Variants in FGF1 observed in about 807,000 individuals in gnomAD.
FGF1 encodes fibroblast growth factor 1, also known as beta-endothelial cell growth factor.
Under a neutral mutation model 13.4 loss-of-function variants are expected in FGF1, and 9 were observed. The ratio of observed to expected loss-of-function variants is 0.67; its 90% CI spans 0.40 to 1.17. FGF1 has a LOEUF of 1.17. Ranked by LOEUF, FGF1 falls within the 50% of genes most tolerant of loss-of-function variation. The pLI is 0.01. For missense variants in FGF1, 156 were observed against 192.7 expected, an observed-to-expected ratio of 0.81 and a Z score of 1.13; for synonymous variants, 93 against 79.0, an observed-to-expected ratio of 1.18 and a Z score of -0.94.
intron 1 of FGF1, among the ~76,000 whole-genome samples, chr5:142,661,989 G>A (rs1769333012): frequency 6.6e-6 from 1 of 151,830 alleles, no homozygotes; most frequent in African/African-American, 2.4e-5. Context: ...GACAGAGCAA[G>A]ACTGCGTCTC....
chr5:142,606,214 C>CTGTGTGTGTGTGTGTG (rs1283591761), intron 2 of FGF1, among the ~76,000 whole-genome samples: 42 of 71,086 alleles, frequency 5.9e-4, no homozygotes, highest in African/African-American at 2.2e-3. Context: ...CATTCTTTCT[C>CTGTGTGTGTGTGTGTG]TCTCTGTGTG....
chr5:142,660,017 C>T (rs745416508), intron 1 of FGF1, among the ~76,000 whole-genome samples: 1 of 152,198 alleles, frequency 6.6e-6, no homozygotes, highest in African/African-American at 2.4e-5. Flanking sequence ...CTGCGTCAGG[C>T]GATTTCACTG....
chr5:142,687,543 T>C (rs533392458), upstream of FGF1, among the ~76,000 whole-genome samples: 35 of 152,334 alleles, frequency 2.3e-4, no homozygotes, highest in Admixed American at 3.9e-4. Context: ...ATACTGATAA[T>C]TTGCTTTAAA....
rs17216860 is a variant in FGF1, at chr5:142,670,654, A to G, written c.-35+15303T>C. Among the ~76,000 whole-genome samples, 580 of 152,356 alleles carry G rather than the reference A, an allele frequency of 3.8e-3. 6 individuals carry two copies. Among genetic ancestry groups the G allele is most frequent in the African/African-American group, 0.012 (514 of 41,580 alleles). ...CAACCAACGCCAGCAAAGCATATGA[A>G]GAAATTAGGAAAAAAACCCCACAAA... On this transcript the variant is annotated intron_variant, in intron 1 of 3. Transcript: ENST00000337706.
intron 1 of FGF1, among the ~76,000 whole-genome samples, chr5:142,681,965 A>G (rs1773792772): frequency 6.6e-6 from 1 of 152,246 alleles, no homozygotes; most frequent in South Asian, 2.1e-4. Flanking sequence ...CATGTGAACA[A>G]AGCTCCATGC....
intron 1 of FGF1, among the ~76,000 whole-genome samples, chr5:142,683,217 G>A (rs1284325347): frequency 6.6e-6 from 1 of 152,168 alleles, no homozygotes; most frequent in Non-Finnish European, 1.5e-5. Flanking sequence ...TTAATGAGGT[G>A]GAAATGGGTG....
chr5:142,619,857 A>G (rs1365919135), intron 1 of FGF1, among the ~76,000 whole-genome samples: 1 of 152,012 alleles, frequency 6.6e-6, no homozygotes, highest in Admixed American at 6.6e-5. Flanking sequence ...AAACGAAAAA[A>G]AAACAAAACC....
chr5:142,680,626 T>C lies in FGF1; in HGVS notation c.-35+5331A>G, dbSNP rs1217876278. 3 of 152,180 alleles carry C rather than the reference T, an allele frequency of 2.0e-5. No homozygotes were observed. The East Asian group carries it at 5.8e-4, about 29-fold the overall frequency. 9.4% of individuals were successfully genotyped at this position (152,180 alleles called of 1,614,324 possible). A position where few individuals can be genotyped will look rare whatever the true frequency, so the allele number is the denominator to read the frequency against. ...ATTAAATGAGAGACTAGCCCAAGCA[T>C]AGGGCTTCACAGTGTACCCAGCACA... is the stretch of plus-strand genomic sequence containing the variant. On this transcript the variant is annotated intron_variant, in intron 1 of 3. Transcript: ENST00000337706.
chr5:142,600,625 G>T, intron 3 of FGF1, 77 bp downstream of exon 3: 1 of 919,542 alleles, frequency 1.1e-6, no homozygotes, highest in East Asian at 2.4e-5. Context: ...TTTATAGTTT[G>T]CCTCACTCCA....
intron 1 of FGF1, among the ~76,000 whole-genome samples, chr5:142,618,130 T>C (rs1760638648): frequency 6.6e-6 from 1 of 152,192 alleles, no homozygotes; most frequent in South Asian, 2.1e-4. Flanking sequence ...CGTGTCACCA[T>C]TGTGCACGAA....
upstream of FGF1, among the ~76,000 whole-genome samples, chr5:142,687,179 T>A (rs1419435915): frequency 6.6e-6 from 1 of 152,094 alleles, no homozygotes; most frequent in African/African-American, 2.4e-5. Context: ...GCTCACCTGA[T>A]GATTCAGGTA....
rs1244139413 is a variant in FGF1 at position 142,595,414 on chromosome 5, T to G, written c.344A>C (p.Lys115Thr). 1.5e-5 allele frequency: 24 copies of G among 1,613,938 alleles called. No individual in the cohort carries two copies. Among genetic ancestry groups the G allele is most frequent in the Non-Finnish European group, 1.9e-5 (23 of 1,179,942 alleles). Residue 115 changes from lysine to threonine, a missense_variant, in exon 4 of 4, where the codon AAG becomes ACG. Physicochemically the swap from Lys to Thr is moderately conservative, Grantham distance 78. Coordinates refer to ENST00000337706, the MANE Select transcript of FGF1 (RefSeq NM_000800.5). ...AAACCAATTCTTCTCTGCATGCTTCTTGGATATATAGGTGTTGTAATGGTT... is the reference window on the plus strand; with the variant it reads ...AAACCAATTCTTCTCTGCATGCTTCGTGGATATATAGGTGTTGTAATGGTT... Reference protein sequence around the residue: ...EENHYNTYISKKHAEKNWFVG... With the variant: ...EENHYNTYISTKHAEKNWFVG...
At chr5:142,621,820 T>C (rs1761684940) in intron 1 of FGF1, among the ~76,000 whole-genome samples, 1 of 152,198 alleles carries the variant, frequency 6.6e-6, no homozygotes, top group Non-Finnish European at 1.5e-5. Context: ...CTAGGACCTT[T>C]GCCCATGCTG....
chr5:142,596,101 A>G (rs1755184374), intron 3 of FGF1, among the ~76,000 whole-genome samples: 3 of 152,246 alleles, frequency 2.0e-5, no homozygotes, highest in South Asian at 2.1e-4. Flanking sequence ...AGCATGAAAC[A>G]TATCCTAGAA....
rs17217149 is a variant in FGF1, at chr5:142,620,350, G to A, written c.-34-6189C>T. 7.1e-3 allele frequency among the ~76,000 whole-genome samples: 1,084 copies of A among 152,146 alleles called. 11 individuals carry two copies. Among genetic ancestry groups the A allele is most frequent in the African/African-American group, 0.024 (1,001 of 41,498 alleles). ...GGAAAATGGTGTGAACCCAGGAGGC[G>A]GAGCTTGCAGTGAGCTGAGATCGCG... is the stretch of plus-strand genomic sequence containing the variant. On this transcript the variant is annotated intron_variant, in intron 1 of 3. Coordinates refer to ENST00000337706, the MANE Select transcript of FGF1 (RefSeq NM_000800.5).
At position 142,648,908 on chromosome 5, in the gene FGF1, C is replaced by T. The variant is rs184612705; in HGVS notation, c.-34-34747G>A. On this transcript the variant is annotated intron_variant, in intron 1 of 3. Coordinates refer to ENST00000337706, the MANE Select transcript of FGF1 (RefSeq NM_000800.5). ...GAAGAATATGGATGAGATGTATGTGCTTATTAATGCATGGGCAGGCCTAGA... is the reference window on the plus strand; with the variant it reads ...GAAGAATATGGATGAGATGTATGTGTTTATTAATGCATGGGCAGGCCTAGA... 3.4e-4 allele frequency among the ~76,000 whole-genome samples: 51 copies of T among 152,098 alleles called. No homozygotes were observed. The East Asian group carries it at 8.7e-3, about 26-fold the overall frequency.
At chr5:142,603,383 C>T (rs1157258861) in intron 2 of FGF1, among the ~76,000 whole-genome samples, 1 of 152,120 alleles carries the variant, frequency 6.6e-6, no homozygotes, top group Non-Finnish European at 1.5e-5. Flanking sequence ...CCACCCCATT[C>T]TCCCTGCCAA....
Position 142,614,153 on chromosome 5 carries a change from C to T in FGF1, c.-26G>A, listed in dbSNP as rs560328123. The T allele has an allele frequency of 1.9e-6, 3 of 1,612,950 alleles. No homozygotes were observed. Among genetic ancestry groups the T allele is most frequent in the East Asian group, 2.2e-5 (1 of 44,876 alleles). On this transcript the variant is annotated 5_prime_UTR_variant, in exon 2 of 4. Coordinates refer to ENST00000337706, the MANE Select transcript of FGF1 (RefSeq NM_000800.5). ...GGCTCAGCAGCTGCTGCTTGTGGCG[C>T]TTTCAAGACTGTAAGAAATTGAACA...
chr5:142,683,774 T>C (rs1774159464), intron 1 of FGF1, among the ~76,000 whole-genome samples: 6 of 142,446 alleles, frequency 4.2e-5, no homozygotes, highest in Admixed American at 3.0e-4. Flanking sequence ...TGAGCCGAGA[T>C]TGTGCCATTG....
Sources: gnomAD v4.1 joint callset for allele counts (sites outside exome capture counted in the v4.1 genomes callset) on GRCh38, gnomAD v4.1.1 for gene constraint, MANE v1.5 for transcripts, NCBI Gene and HGNC (gene_info 2026-07-23, HGNC 2026-07-21) for gene names.